ITFG1: variants seen among roughly 807,000 people sequenced by gnomAD.
ITFG1 encodes integrin alpha FG-GAP repeat containing 1.
In ITFG1, 34 loss-of-function variants were observed where a neutral mutation model predicts 81.8. The observed-to-expected ratio is 0.42, with a 90% CI of 0.32 to 0.55. The LOEUF (loss-of-function observed/expected upper bound fraction) is 0.55. Among genes scored for constraint, ITFG1 ranks in the 20% least tolerant of loss-of-function variants. The pLI is 0.17. For missense variants in ITFG1, 672 were observed against 755.4 expected (o/e 0.89, Z 1.29); for synonymous variants, 285 against 270.6 (o/e 1.05, Z -0.52).
chr16:47,310,322 C>G (rs897214415), intron 10 of ITFG1, among the ~76,000 whole-genome samples: 1 of 152,030 alleles, frequency 6.6e-6, no homozygotes, highest in African/African-American at 2.4e-5. Flanking sequence ...GTATCATGAG[C>G]CTGGTTCTGA....
In ITFG1 at chr16:47,328,385, T is replaced by A. The variant is rs187453524; in HGVS notation, c.803-14562A>T. Among the ~76,000 whole-genome samples, 7 of 152,190 alleles carry A rather than the reference T, an allele frequency of 4.6e-5. No homozygotes were observed. In the East Asian group the frequency reaches 1.4e-3, roughly 29 times the overall value. On this transcript the variant is annotated intron_variant, in intron 8 of 17. Coordinates refer to ENST00000320640, the MANE Select transcript of ITFG1 (RefSeq NM_030790.5). ...TACCTAATGCTAAGTGACGAATTAA[T>A]GGGTGCAGCACACCAACATGGCACA...
chr16:47,172,828 G>C (rs943525453), intron 14 of ITFG1, among the ~76,000 whole-genome samples: 1 of 152,082 alleles, frequency 6.6e-6, no homozygotes, highest in Non-Finnish European at 1.5e-5. Context: ...GCTTCTAGTT[G>C]GTCTCATTGC....
intron 10 of ITFG1, among the ~76,000 whole-genome samples, chr16:47,278,562 TCTTTCTA>T (rs1376439890): frequency 6.6e-6 from 1 of 152,186 alleles, no homozygotes; most frequent in Non-Finnish European, 1.5e-5. Context: ...TTGTTTCTGC[TCTTTCTA>T]TTCCTGCCTG....
At position 47,347,615 on chromosome 16, in the gene ITFG1, G is replaced by C. The variant is rs1349186133; in HGVS notation, c.802+18173C>G. Among the ~76,000 whole-genome samples, 7 of 152,344 alleles carry C rather than the reference G, an allele frequency of 4.6e-5. No individual in the cohort carries two copies. The Middle Eastern group carries it at 0.01, about 222-fold the overall frequency. On this transcript the variant is annotated intron_variant, in intron 8 of 17. Transcript: ENST00000320640. ...CCTGCCTCTGTAGACTCCACCTCTG[G>C]GGGCAGGGCATAGCCGAACAAAGGG...
chr16:47,380,827 G>A (rs569710327), intron 6 of ITFG1, among the ~76,000 whole-genome samples: 6 of 152,242 alleles, frequency 3.9e-5, no homozygotes, highest in African/African-American at 1.2e-4. Context: ...GATATCACTG[G>A]TATTCACTTG....
chr16:47,382,038 A>G (rs1968402376), intron 6 of ITFG1, among the ~76,000 whole-genome samples: 1 of 152,246 alleles, frequency 6.6e-6, no homozygotes, highest in Non-Finnish European at 1.5e-5. Flanking sequence ...CCAGAGGGAC[A>G]GAATTAATTA....
intron 10 of ITFG1, among the ~76,000 whole-genome samples, chr16:47,291,961 T>C (rs577298575): frequency 1.3e-5 from 2 of 152,290 alleles, no homozygotes; most frequent in African/African-American, 2.4e-5. Flanking sequence ...TGATTTCTTT[T>C]ACACTGGGAT....
At chr16:47,399,417 C>T (rs1968631772) in intron 6 of ITFG1, among the ~76,000 whole-genome samples, 2 of 152,224 alleles carry the variant, frequency 1.3e-5, no homozygotes, top group South Asian at 4.1e-4. Context: ...ACTAAAAATA[C>T]AAACAATTAG....
chr16:47,157,314 C>A (rs1964726752), intron 17 of ITFG1, among the ~76,000 whole-genome samples: 1 of 152,006 alleles, frequency 6.6e-6, no homozygotes, highest in South Asian at 2.1e-4. Context: ...TGGGGAAAGC[C>A]TGCATTGAGA....
intron 11 of ITFG1, among the ~76,000 whole-genome samples, chr16:47,259,975 G>A (rs1966188201): frequency 1.4e-5 from 2 of 138,496 alleles, no homozygotes; most frequent in African/African-American, 2.7e-5. Context: ...GTCTTGCTCT[G>A]TCGCCCAGGC....
intron 5 of ITFG1, among the ~76,000 whole-genome samples, chr16:47,438,109 C>CT (rs1366901443): frequency 1.3e-5 from 2 of 152,166 alleles, no homozygotes; most frequent in African/African-American, 4.8e-5. Context: ...TGAGATCAAA[C>CT]GGTAAGGCCA....
intron 2 of ITFG1, among the ~76,000 whole-genome samples, chr16:47,457,305 T>C (rs1339629111): frequency 1.3e-5 from 2 of 150,236 alleles, no homozygotes; most frequent in African/African-American, 2.5e-5. Flanking sequence ...AGTGAGACTC[T>C]GTCTCAAGAA....
chr16:47,345,772 C>A (rs572814452), intron 8 of ITFG1, among the ~76,000 whole-genome samples: 1 of 152,082 alleles, frequency 6.6e-6, no homozygotes, highest in African/African-American at 2.4e-5. Flanking sequence ...AAAGGTACAG[C>A]AAAGAAATGG....
intron 6 of ITFG1, among the ~76,000 whole-genome samples, chr16:47,402,993 A>G (rs1363068271): frequency 1.3e-5 from 2 of 152,198 alleles, no homozygotes; most frequent in Admixed American, 6.5e-5. Context: ...ATAACAATAT[A>G]AATTTACTGC....
intron 6 of ITFG1, among the ~76,000 whole-genome samples, chr16:47,391,497 T>G (rs187502798): frequency 1.3e-5 from 2 of 152,322 alleles, no homozygotes; most frequent in East Asian, 3.9e-4. Context: ...TAGGTCGTAT[T>G]TAATGCCCTG....
chr16:47,192,372 T>C (rs998772808), intron 14 of ITFG1, among the ~76,000 whole-genome samples: 4 of 152,246 alleles, frequency 2.6e-5, no homozygotes, highest in Non-Finnish European at 4.4e-5. Context: ...TTGTTTCCTC[T>C]GTAGTATTTG....
chr16:47,387,843 A>T (rs1164746764), intron 6 of ITFG1, among the ~76,000 whole-genome samples: 6 of 152,220 alleles, frequency 3.9e-5, no homozygotes, highest in African/African-American at 1.4e-4. Flanking sequence ...ACAAGAAAAC[A>T]GAAAACCAAA....
At chr16:47,252,305 C>T (rs1207740571) in intron 12 of ITFG1, among the ~76,000 whole-genome samples, 4 of 152,018 alleles carry the variant, frequency 2.6e-5, no homozygotes, top group Non-Finnish European at 5.9e-5. Flanking sequence ...TTCAACAAAA[C>T]CCAGAGGCAG....
intron 10 of ITFG1, among the ~76,000 whole-genome samples, chr16:47,285,797 AGTC>A (rs1323214898): frequency 6.6e-6 from 1 of 152,198 alleles, no homozygotes; most frequent in African/African-American, 2.4e-5. Flanking sequence ...AAACAGTAGT[AGTC>A]AATTCAAAGA....
Sources: gnomAD v4.1 joint callset for allele counts (sites outside exome capture counted in the v4.1 genomes callset) on GRCh38, gnomAD v4.1.1 for gene constraint, MANE v1.5 for transcripts, NCBI Gene and HGNC (gene_info 2026-07-23, HGNC 2026-07-21) for gene names.